Variants in RNF38 observed in about 807,000 individuals in gnomAD.
The protein encoded by RNF38 is E3 ubiquitin-protein ligase RNF38.
A neutral mutation model predicts 67.2 loss-of-function variants in RNF38; 15 were observed. The ratio of observed to expected loss-of-function variants is 0.22; its 90% CI spans 0.15 to 0.34. The LOEUF (loss-of-function observed/expected upper bound fraction) is 0.34. Among genes scored for constraint, RNF38 ranks in the 10% least tolerant of loss-of-function variants. RNF38 has a pLI of 1.00. For missense variants in RNF38, 524 were observed against 639.9 expected (o/e 0.82, Z 1.95); for synonymous variants, 220 against 218.8 (o/e 1.01, Z -0.05).
intron 6 of RNF38, among the ~76,000 whole-genome samples, chr9:36,355,338 C>T (rs16933224): frequency 0.23 from 34,880 of 152,068 alleles, 4,242 homozygotes; most frequent in Middle Eastern, 0.34. Context: ...TGAACCTGGC[C>T]TATCAAAACA....
chr9:36,468,258 A>C (rs1452606549), intron 1 of RNF38, among the ~76,000 whole-genome samples: 1 of 151,114 alleles, frequency 6.6e-6, no homozygotes, highest in Admixed American at 6.6e-5. Flanking sequence ...AAAAAAAAAA[A>C]GGCAGAACAA....
At position 36,406,626 on chromosome 9, in the gene RNF38, G is replaced by A. The variant is rs561245909; in HGVS notation, n.313-16010C>T. Among the ~76,000 whole-genome samples the A allele has an allele frequency of 5.9e-5, 9 of 152,300 alleles. No individual in the cohort carries two copies. The East Asian group carries it at 1.5e-3, about 26-fold the overall frequency. On this transcript the variant is annotated intron_variant and non_coding_transcript_variant, in intron 2 of 3. Transcript: ENST00000488058. Reference sequence around the variant, plus strand: ...GGCAAGGGGTTAGCACATACCATGTGCTTAATAAATAGTTCTGTTAATGAT... The same window carrying A: ...GGCAAGGGGTTAGCACATACCATGTACTTAATAAATAGTTCTGTTAATGAT...
At chr9:36,484,660 T>C (rs1840359220) in intron 1 of RNF38, among the ~76,000 whole-genome samples, 1 of 152,318 alleles carries the variant, frequency 6.6e-6, no homozygotes, top group African/African-American at 2.4e-5. Context: ...TTACACTTAA[T>C]ATGCATAATT....
At position 36,421,865 on chromosome 9, in the gene RNF38, T is replaced by C. The variant is rs774069935; in HGVS notation, n.312+2748A>G. On this transcript the variant is annotated intron_variant and non_coding_transcript_variant, in intron 2 of 3. Transcript: ENST00000488058. ...AAAGACGTCAGGGGGCTGTTGTATA[T>C]GTAGCGATCTGATTTTTAAATATGA... Among the ~76,000 whole-genome samples, 226 of 152,186 alleles carry C rather than the reference T, an allele frequency of 1.5e-3. 3 individuals carry two copies. Among genetic ancestry groups the C allele is most frequent in the Middle Eastern group, 3.4e-3 (1 of 294 alleles).
intron 2 of RNF38, among the ~76,000 whole-genome samples, chr9:36,418,179 C>T (rs10972891): frequency 0.011 from 1,623 of 151,788 alleles, 27 homozygotes; most frequent in South Asian, 0.063. Flanking sequence ...CAGGTGTGTA[C>T]CACTAGGCCC....
intron 1 of RNF38, among the ~76,000 whole-genome samples, chr9:36,425,882 G>C (rs953421158): frequency 6.6e-6 from 1 of 152,168 alleles, no homozygotes; most frequent in Non-Finnish European, 1.5e-5. Flanking sequence ...ATTTTTAGTA[G>C]AGACGGGGTT....
intron 1 of RNF38, among the ~76,000 whole-genome samples, chr9:36,481,844 A>C (rs1195657712): frequency 6.6e-6 from 1 of 152,298 alleles, no homozygotes; most frequent in South Asian, 2.1e-4. Flanking sequence ...AAGCGTAAAC[A>C]ACCACTTAAT....
intron 2 of RNF38, among the ~76,000 whole-genome samples, chr9:36,376,398 G>A (rs545782177): frequency 1.3e-5 from 2 of 152,248 alleles, no homozygotes; most frequent in Admixed American, 1.3e-4. Context: ...ACGACATATA[G>A]GGTATAAAAC....
intron 10 of RNF38, among the ~76,000 whole-genome samples, chr9:36,343,943 G>A (rs1157490971): frequency 6.6e-6 from 1 of 151,992 alleles, no homozygotes; most frequent in Admixed American, 6.6e-5. Context: ...TGATGCAATG[G>A]GTCTAAATTT....
chr9:36,429,653 G>A (rs929087685), intron 1 of RNF38, among the ~76,000 whole-genome samples: 8 of 152,038 alleles, frequency 5.3e-5, no homozygotes, highest in African/African-American at 7.2e-5. Context: ...AATTAGCCAC[G>A]CATGGTGGCG....
At chr9:36,370,636 T>G (rs1835305610) in intron 3 of RNF38, among the ~76,000 whole-genome samples, 1 of 152,232 alleles carries the variant, frequency 6.6e-6, no homozygotes, top group Non-Finnish European at 1.5e-5. Context: ...CCAGGTGCAG[T>G]GGCTCATGCC....
At chr9:36,434,798 C>T (rs890189805) in intron 1 of RNF38, among the ~76,000 whole-genome samples, 3 of 152,182 alleles carry the variant, frequency 2.0e-5, no homozygotes, top group East Asian at 1.9e-4. Flanking sequence ...TTATTGCATG[C>T]CTCTCAAGAT....
At chr9:36,427,992 T>C (rs1838820874) in intron 1 of RNF38, among the ~76,000 whole-genome samples, 1 of 151,552 alleles carries the variant, frequency 6.6e-6, no homozygotes, top group Non-Finnish European at 1.5e-5. Flanking sequence ...TTACAGGCGT[T>C]AGCCACTGCA....
intron 4 of RNF38, among the ~76,000 whole-genome samples, chr9:36,362,078 C>A (rs561511396): frequency 6.6e-6 from 1 of 152,088 alleles, no homozygotes; most frequent in Non-Finnish European, 1.5e-5. Context: ...TGAATAGGGC[C>A]GGGCACAGTG....
At chr9:36,387,365 C>A (rs886333127) in intron 2 of RNF38, among the ~76,000 whole-genome samples, 2 of 152,114 alleles carry the variant, frequency 1.3e-5, no homozygotes, top group African/African-American at 4.8e-5. Context: ...CATTAAGATA[C>A]CACAAACACC....
chr9:36,446,810 GAAAAAAAAAAAAAAA>G (rs60691553), intron 1 of RNF38, among the ~76,000 whole-genome samples: 14 of 28,214 alleles, frequency 5.0e-4, no homozygotes, highest in African/African-American at 9.1e-4. Flanking sequence ...TCCGCCTCAA[GAAAAAAAAAAAAAAA>G]AAAAAAAAAA....
At chr9:36,426,252 A>G (rs1487549427) in intron 1 of RNF38, among the ~76,000 whole-genome samples, 1 of 150,596 alleles carries the variant, frequency 6.6e-6, no homozygotes, top group African/African-American at 2.4e-5. Flanking sequence ...TTTTTTTTTT[A>G]GTATATTCAC....
At chr9:36,399,271 C>G (rs955161417) in intron 1 of RNF38, among the ~76,000 whole-genome samples, 8 of 152,114 alleles carry the variant, frequency 5.3e-5, no homozygotes, top group Non-Finnish European at 1.0e-4. Flanking sequence ...GGAAAACCCA[C>G]AGATTATTTA....
intron 1 of RNF38, among the ~76,000 whole-genome samples, chr9:36,399,039 G>C (rs116410912): frequency 2.4e-3 from 363 of 152,306 alleles, no homozygotes; most frequent in African/African-American, 8.3e-3. Context: ...AGAGACAACA[G>C]ATCTACACTC....
Sources: gnomAD v4.1 joint callset for allele counts (sites outside exome capture counted in the v4.1 genomes callset) on GRCh38, gnomAD v4.1.1 for gene constraint, MANE v1.5 for transcripts, NCBI Gene and HGNC (gene_info 2026-07-23, HGNC 2026-07-21) for gene names.